Variants in NRG1 observed in about 807,000 individuals in gnomAD.
NRG1 encodes neuregulin 1.
A neutral mutation model predicts 63.8 loss-of-function variants in NRG1; 18 were observed. The ratio of observed to expected loss-of-function variants is 0.28; its 90% CI spans 0.19 to 0.42. The LOEUF (loss-of-function observed/expected upper bound fraction) is 0.42, where lower values mean the gene tolerates loss of function less well. NRG1 is among the 10% of genes least tolerant of loss of function. NRG1 has a pLI of 1.00. For missense variants in NRG1, 762 were observed against 814.7 expected, an observed-to-expected ratio of 0.94 and a Z score of 0.79; for synonymous variants, 302 against 301.3, an observed-to-expected ratio of 1.00 and a Z score of -0.02.
At chr8:32,025,435 G>T (rs1031700920) in intron 1 of NRG1, among the ~76,000 whole-genome samples, 2 of 152,102 alleles carry the variant, frequency 1.3e-5, no homozygotes, top group Non-Finnish European at 2.9e-5. Flanking sequence ...GACATGCATC[G>T]ATGTAGGCAG....
At chr8:32,468,595 T>C (rs1823364528) in intron 1 of NRG1, among the ~76,000 whole-genome samples, 1 of 152,208 alleles carries the variant, frequency 6.6e-6, no homozygotes, top group Non-Finnish European at 1.5e-5. Flanking sequence ...TAAACTTATA[T>C]ATGTTCTTCC....
At chr8:31,853,285 C>T (rs1277108758) in intron 1 of NRG1, among the ~76,000 whole-genome samples, 1 of 147,542 alleles carries the variant, frequency 6.8e-6, no homozygotes. Flanking sequence ...CTTTTATTTC[C>T]TTGAGCAGTG....
chr8:32,305,675 T>A (rs561373202), intron 1 of NRG1, among the ~76,000 whole-genome samples: 93 of 152,348 alleles, frequency 6.1e-4, no homozygotes, highest in Admixed American at 2.7e-3. Context: ...TCTCACAGGA[T>A]GTTCACCCAG....
chr8:32,030,403 T>C (rs1818080918), intron 1 of NRG1: 1 of 152,012 alleles, frequency 6.6e-6, no homozygotes, highest in Non-Finnish European at 1.5e-5. Flanking sequence ...AGACAAAGAG[T>C]AGATTTTGGC....
At chr8:32,228,009 G>C (rs535721453) in intron 1 of NRG1, among the ~76,000 whole-genome samples, 2 of 152,296 alleles carry the variant, frequency 1.3e-5, no homozygotes, top group South Asian at 4.2e-4. Context: ...CTTTCTCTCA[G>C]ATATTAAGAA....
At chr8:32,273,688 T>G (rs1185495037) in intron 1 of NRG1, among the ~76,000 whole-genome samples, 2 of 152,210 alleles carry the variant, frequency 1.3e-5, no homozygotes, top group African/African-American at 2.4e-5. Context: ...TTTAAATTTG[T>G]AATCATACAC....
At chr8:31,860,330 C>T (rs1301534797) in intron 1 of NRG1, among the ~76,000 whole-genome samples, 1 of 152,124 alleles carries the variant, frequency 6.6e-6, no homozygotes, top group Non-Finnish European at 1.5e-5. Flanking sequence ...ATGCTGAAGA[C>T]ATAGTAACAA....
At chr8:32,459,688 T>A (rs765194273) in intron 1 of NRG1, among the ~76,000 whole-genome samples, 26 of 152,306 alleles carry the variant, frequency 1.7e-4, no homozygotes, top group Non-Finnish European at 3.8e-4. Context: ...TTACTTCATT[T>A]AGAATAAAAT....
At chr8:32,482,465 A>G (rs1276687477) in intron 1 of NRG1, among the ~76,000 whole-genome samples, 1 of 151,142 alleles carries the variant, frequency 6.6e-6, no homozygotes, top group Non-Finnish European at 1.5e-5. Flanking sequence ...CAGTTTCTCC[A>G]TCCATTCTTT....
chr8:32,614,781 C>T (rs913597724), intron 4 of NRG1, among the ~76,000 whole-genome samples: 6 of 152,064 alleles, frequency 3.9e-5, no homozygotes, highest in Admixed American at 2.6e-4. Flanking sequence ...GAGAAACATA[C>T]ATGAGTGAAA....
intron 5 of NRG1, among the ~76,000 whole-genome samples, chr8:32,680,310 T>C (rs1251195110): frequency 6.6e-6 from 1 of 152,092 alleles, no homozygotes; most frequent in East Asian, 1.9e-4. Context: ...ACAGGGAACT[T>C]TGGGTTTTAA....
At chr8:32,263,704 G>A (rs1051518398) in intron 1 of NRG1, among the ~76,000 whole-genome samples, 5 of 152,156 alleles carry the variant, frequency 3.3e-5, no homozygotes, top group African/African-American at 1.2e-4. Context: ...TAACTGTGAA[G>A]CTTAGGAAAA....
intron 5 of NRG1, among the ~76,000 whole-genome samples, chr8:32,649,896 A>C (rs2129547264): frequency 6.6e-6 from 1 of 152,324 alleles, no homozygotes; most frequent in South Asian, 2.1e-4. Context: ...GACAGGCTAT[A>C]AAAAGCAAGT....
chr8:31,809,371 CGTATATATACGT>C (rs1822618304), intron 1 of NRG1, among the ~76,000 whole-genome samples: 2 of 139,616 alleles, frequency 1.4e-5, no homozygotes, highest in South Asian at 2.3e-4. Flanking sequence ...TATATATACA[CGTATATATACGT>C]GTATATATAT....
At chr8:32,660,027 A>G (rs1802478667) in intron 5 of NRG1, among the ~76,000 whole-genome samples, 1 of 152,040 alleles carries the variant, frequency 6.6e-6, no homozygotes, top group African/African-American at 2.4e-5. Flanking sequence ...TAGACTGACC[A>G]TTTCCTAAGG....
intron 5 of NRG1, among the ~76,000 whole-genome samples, chr8:32,683,373 G>A (rs900639483): frequency 3.3e-5 from 5 of 152,184 alleles, no homozygotes; most frequent in African/African-American, 1.2e-4. Flanking sequence ...GAAAGATTCA[G>A]TGTCAGTCTT....
chr8:32,325,165 A>G (rs1363540014), intron 1 of NRG1, among the ~76,000 whole-genome samples: 1 of 152,190 alleles, frequency 6.6e-6, no homozygotes, highest in Non-Finnish European at 1.5e-5. Flanking sequence ...GCATGAGAAA[A>G]CATCTTATTG....
intron 1 of NRG1, among the ~76,000 whole-genome samples, chr8:32,318,492 T>C (rs1233136433): frequency 3.3e-5 from 5 of 152,142 alleles, no homozygotes; most frequent in Non-Finnish European, 7.3e-5. Flanking sequence ...GTTAAGTGAC[T>C]TAACCTGTAA....
At chr8:31,649,934 T>A (rs1031865431) in intron 1 of NRG1, among the ~76,000 whole-genome samples, 1 of 152,150 alleles carries the variant, frequency 6.6e-6, no homozygotes, top group African/African-American at 2.4e-5. Context: ...CCCAATCCCC[T>A]TCTAATCAGT....
Sources: gnomAD v4.1 joint callset for allele counts (sites outside exome capture counted in the v4.1 genomes callset) on GRCh38, gnomAD v4.1.1 for gene constraint, MANE v1.5 for transcripts, NCBI Gene and HGNC (gene_info 2026-07-23, HGNC 2026-07-21) for gene names.